CSMD1: variants seen among roughly 807,000 people sequenced by gnomAD.
CSMD1 encodes CUB and sushi domain-containing protein 1.
A neutral mutation model predicts 417.5 loss-of-function variants in CSMD1; 213 were observed. The observed-to-expected ratio is 0.51, with a 90% confidence interval of 0.46 to 0.57. The LOEUF (loss-of-function observed/expected upper bound fraction) is 0.57. CSMD1 is among the 20% of genes least tolerant of loss of function. The probability of loss-of-function intolerance (pLI) is 0.00; values close to 1 mark genes in which losing one functional copy is unlikely to be tolerated. For synonymous variants in CSMD1, 2,862 were observed against 1,736.8 expected (o/e 1.65, Z -16.11); for missense variants, 6,923 against 4,529.7 (o/e 1.53, Z -15.17).
At position 4,927,832 on chromosome 8, in the gene CSMD1, C is replaced by G. The variant is rs140364477; in HGVS notation, c.85+66500G>C. Among the ~76,000 whole-genome samples, 1,235 of 152,268 alleles carry G rather than the reference C, an allele frequency of 8.1e-3. 14 individuals carry two copies. Among genetic ancestry groups the G allele is most frequent in the African/African-American group, 0.028 (1,153 of 41,542 alleles). ...CTTCTCACACTCACCAGCAAATCCT[C>G]CAAACTCTGCCTTCAAGATATACCC... On this transcript the variant is annotated intron_variant, in intron 1 of 69. Coordinates refer to ENST00000635120, the MANE Select transcript of CSMD1 (RefSeq NM_033225.6).
At chr8:3,744,703 T>G (rs780645946) in intron 6 of CSMD1, among the ~76,000 whole-genome samples, 2 of 152,204 alleles carry the variant, frequency 1.3e-5, no homozygotes, top group Non-Finnish European at 2.9e-5. Flanking sequence ...CATGAAACGT[T>G]GTCTGGGCTA....
chr8:4,962,548 T>C (rs1809576274), intron 1 of CSMD1, among the ~76,000 whole-genome samples: 1 of 152,278 alleles, frequency 6.6e-6, no homozygotes, highest in Non-Finnish European at 1.5e-5. Context: ...TGGAGGACAT[T>C]TTCTGATTAG....
At chr8:3,763,602 A>G (rs12682343) in intron 5 of CSMD1, among the ~76,000 whole-genome samples, 31,490 of 152,178 alleles carry the variant, frequency 0.21, 3,579 homozygotes, top group South Asian at 0.28. Context: ...ATTCTGAGCC[A>G]AATAAACCTC....
chr8:4,941,327 T>C (rs1274436286), intron 1 of CSMD1, among the ~76,000 whole-genome samples: 1 of 151,700 alleles, frequency 6.6e-6, no homozygotes, highest in Non-Finnish European at 1.5e-5. Flanking sequence ...AAGCACACGC[T>C]TCATAATAAA....
At chr8:4,546,891 T>A (rs1797662627) in intron 2 of CSMD1, among the ~76,000 whole-genome samples, 1 of 152,148 alleles carries the variant, frequency 6.6e-6, no homozygotes, top group Non-Finnish European at 1.5e-5. Context: ...GTTGTCTCTC[T>A]CTGGAGATCC....
intron 2 of CSMD1, among the ~76,000 whole-genome samples, chr8:4,550,460 T>C (rs891014423): frequency 6.6e-6 from 1 of 152,064 alleles, no homozygotes; most frequent in African/African-American, 2.4e-5. Context: ...AGGTATTGCA[T>C]TTTTAGGTCA....
chr8:3,833,817 A>G lies in CSMD1; in HGVS notation c.819-79775T>C, dbSNP rs1802508859. ...AGAGAGGCTCATTAAAGATAAAACA[A>G]AATGGTTAAACAATATAAGACGTTT... On this transcript the variant is annotated intron_variant, in intron 5 of 69. Transcript: ENST00000635120. Among the ~76,000 whole-genome samples, 4 of 152,266 alleles carry G rather than the reference A, an allele frequency of 2.6e-5. No homozygotes were observed. The South Asian group carries it at 8.3e-4, about 32-fold the overall frequency.
chr8:4,131,856 A>G (rs1393618016), intron 3 of CSMD1, among the ~76,000 whole-genome samples: 1 of 131,654 alleles, frequency 7.6e-6, no homozygotes, highest in African/African-American at 2.9e-5. Context: ...TCCATCTCCC[A>G]GGTTCACGCC....
chr8:3,589,760 A>C (rs1002163514), intron 8 of CSMD1, among the ~76,000 whole-genome samples: 3 of 152,202 alleles, frequency 2.0e-5, no homozygotes, highest in African/African-American at 7.2e-5. Flanking sequence ...AGTTGTCACC[A>C]TGAAAAATGA....
intron 1 of CSMD1, among the ~76,000 whole-genome samples, chr8:4,794,109 T>TA (rs1487569070): frequency 6.6e-6 from 1 of 152,214 alleles, no homozygotes; most frequent in Non-Finnish European, 1.5e-5. Context: ...GTCAGATAAG[T>TA]ACTGTTCCCT....
intron 26 of CSMD1, among the ~76,000 whole-genome samples, chr8:3,257,951 A>G (rs1297178713): frequency 6.6e-6 from 1 of 152,172 alleles, no homozygotes; most frequent in Admixed American, 6.5e-5. Flanking sequence ...TGTGTTCAGG[A>G]CAGACCATGG....
At chr8:4,952,444 G>A (rs982854172) in intron 1 of CSMD1, among the ~76,000 whole-genome samples, 4 of 151,958 alleles carry the variant, frequency 2.6e-5, no homozygotes. Flanking sequence ...ATACTTACTG[G>A]ATTTCAATTA....
intron 5 of CSMD1, among the ~76,000 whole-genome samples, chr8:3,938,046 T>G (rs528237758): frequency 6.6e-6 from 1 of 152,140 alleles, no homozygotes; most frequent in African/African-American, 2.4e-5. Flanking sequence ...GCTTTCCTAA[T>G]TGACTTCCAA....
chr8:3,388,242 G>C (rs1811133594), intron 17 of CSMD1, among the ~76,000 whole-genome samples: 1 of 152,136 alleles, frequency 6.6e-6, no homozygotes, highest in African/African-American at 2.4e-5. Flanking sequence ...GTTTAAGTCA[G>C]CCACTTGCAA....
At position 3,620,864 on chromosome 8, in the gene CSMD1, C is replaced by T. The variant is rs558160473; in HGVS notation, c.1010-4067G>A. On this transcript the variant is annotated intron_variant, in intron 7 of 69. Transcript: ENST00000635120. ...AATTGATTTAACGCCCTGTTTTAGG[C>T]TGAATTATGTCCCTCCTCCCCGCAA... Among the ~76,000 whole-genome samples the T allele has an allele frequency of 9.3e-4, 142 of 152,250 alleles. 1 individual carries two copies. The highest frequency in any genetic ancestry group is 3.1e-3 in the African/African-American group (129 of 41,554).
chr8:4,158,746 A>G (rs1017403861), intron 3 of CSMD1, among the ~76,000 whole-genome samples: 2 of 152,120 alleles, frequency 1.3e-5, no homozygotes, highest in African/African-American at 4.8e-5. Flanking sequence ...AACCACCATC[A>G]TCGTCACTTG....
chr8:4,005,126 G>C (rs1182651010), intron 4 of CSMD1, among the ~76,000 whole-genome samples: 1 of 152,114 alleles, frequency 6.6e-6, no homozygotes, highest in Non-Finnish European at 1.5e-5. Context: ...ATGGACTTTG[G>C]AGATTTGGGG....
chr8:4,435,194 C>G (rs924204990), intron 2 of CSMD1, among the ~76,000 whole-genome samples: 3 of 152,040 alleles, frequency 2.0e-5, no homozygotes, highest in Non-Finnish European at 2.9e-5. Context: ...TAAATTGATA[C>G]ACAAGTACAT....
rs529614292 is a variant in CSMD1 at position 3,022,984 on chromosome 8, T to C, written c.7856-4334A>G. Among the ~76,000 whole-genome samples the C allele has an allele frequency of 1.4e-4, 21 of 152,340 alleles. No homozygotes were observed. The South Asian group carries it at 4.1e-3, about 30-fold the overall frequency. On this transcript the variant is annotated intron_variant, in intron 51 of 69. Coordinates refer to ENST00000635120, the MANE Select transcript of CSMD1 (RefSeq NM_033225.6). ...TGGGGCAATGAGCTGTCACTACAGT[T>C]ATTTGATGTTAGCTGGGCATTGACT...
Sources: gnomAD v4.1 joint callset for allele counts (sites outside exome capture counted in the v4.1 genomes callset) on GRCh38, gnomAD v4.1.1 for gene constraint, MANE v1.5 for transcripts, NCBI Gene and HGNC (gene_info 2026-07-23, HGNC 2026-07-21) for gene names.